The following HEPHL1 variants were observed in gnomAD, a reference collection of about 807,000 sequenced individuals.
HEPHL1 encodes ferroxidase HEPHL1.
HEPHL1 carries 123 observed loss-of-function variants against 122.0 expected under a neutral mutation model. The ratio of observed to expected loss-of-function variants is 1.01; its 90% CI spans 0.87 to 1.17. HEPHL1 has a LOEUF of 1.17. HEPHL1 is among the 50% of genes most tolerant of loss of function. The pLI is 0.00. For synonymous variants in HEPHL1, 527 were observed against 508.9 expected (o/e 1.04, Z -0.48); for missense variants, 1,452 against 1,430.5 (o/e 1.01, Z -0.24).
intron 12 of HEPHL1, 42 bp downstream of exon 12, chr11:94,089,010 G>A (rs984408617): frequency 6.4e-7 from 1 of 1,556,492 alleles, no homozygotes; most frequent in Non-Finnish European, 8.9e-7. Flanking sequence ...GTGGGATCGC[G>A]CATGCTCCGT....
chr11:94,080,524 G>A (rs1946161939), intron 9 of HEPHL1, among the ~76,000 whole-genome samples: 1 of 152,164 alleles, frequency 6.6e-6, no homozygotes, highest in Non-Finnish European at 1.5e-5. Flanking sequence ...TGGAGAGTTG[G>A]AGGACATCTT....
intron 12 of HEPHL1, among the ~76,000 whole-genome samples, chr11:94,091,544 A>G (rs1426888357): frequency 6.6e-6 from 1 of 152,236 alleles, no homozygotes; most frequent in Non-Finnish European, 1.5e-5. Context: ...TATGCTAGAC[A>G]TTGTGCAATG....
chr11:94,073,730 G>C (rs544039793), intron 8 of HEPHL1, among the ~76,000 whole-genome samples: 1 of 152,178 alleles, frequency 6.6e-6, no homozygotes, highest in South Asian at 2.1e-4. Flanking sequence ...AATCTCAAAA[G>C]TAAGCTACTT....
chr11:94,111,868 T>C lies in HEPHL1; in HGVS notation c.3454T>C (p.Cys1152Arg). ...GACAGATTACCAGCAAGTCCAGTCC[T>C]GTGCTCTCCCCACGGATGCTCTGTG... ...KQTDYQQVQS[C>R]ALPTDAL The change falls in exon 20 of 20, where the codon TGT becomes CGT. Residue 1152 changes from cysteine (C) to arginine (R), a missense_variant. Transcript: ENST00000315765. 6 of 1,524,252 alleles carry C rather than the reference T, an allele frequency of 3.9e-6. No homozygotes were observed. Among genetic ancestry groups the C allele is most frequent in the Non-Finnish European group, 5.3e-6 (6 of 1,137,860 alleles). The allele number at this position is 1,524,252 out of a possible 1,614,324, so 94.4% of individuals were successfully genotyped here. A position where few individuals can be genotyped will look rare whatever the true frequency, so the allele number is the denominator to read the frequency against.
At chr11:94,047,742 C>A (rs1194066744) in intron 2 of HEPHL1, among the ~76,000 whole-genome samples, 1 of 152,052 alleles carries the variant, frequency 6.6e-6, no homozygotes, top group East Asian at 1.9e-4. Flanking sequence ...TTTTTGTCTT[C>A]AATCCTCCAT....
intron 13 of HEPHL1, among the ~76,000 whole-genome samples, chr11:94,098,743 C>T (rs1946341130): frequency 6.6e-6 from 1 of 152,222 alleles, no homozygotes; most frequent in Non-Finnish European, 1.5e-5. Flanking sequence ...AACTTCTCTT[C>T]TCACTTCATT....
intron 17 of HEPHL1, among the ~76,000 whole-genome samples, chr11:94,108,616 A>G (rs1265344584): frequency 2.6e-5 from 4 of 151,794 alleles, no homozygotes; most frequent in Non-Finnish European, 5.9e-5. Flanking sequence ...TTTCATATAT[A>G]TGTCCAAATG....
chr11:94,060,198 C>T (rs1945975758), intron 2 of HEPHL1, among the ~76,000 whole-genome samples: 1 of 140,404 alleles, frequency 7.1e-6, no homozygotes, highest in African/African-American at 2.7e-5. Flanking sequence ...CAAAAAGAAG[C>T]CTGGTATTTG....
intron 5 of HEPHL1, among the ~76,000 whole-genome samples, chr11:94,068,954 G>A (rs1946054870): frequency 6.6e-6 from 1 of 152,156 alleles, no homozygotes; most frequent in South Asian, 2.1e-4. Context: ...ACCTTCCACA[G>A]TGAGTCATAG....
intron 1 of HEPHL1, among the ~76,000 whole-genome samples, chr11:94,031,378 T>A (rs773208543): frequency 6.8e-6 from 1 of 147,226 alleles, no homozygotes; most frequent in African/African-American, 2.5e-5. Context: ...ACAAATGGGA[T>A]AATACTTTAC....
At chr11:94,099,704 T>C (rs904389443) in intron 13 of HEPHL1, among the ~76,000 whole-genome samples, 1 of 152,126 alleles carries the variant, frequency 6.6e-6, no homozygotes, top group African/African-American at 2.4e-5. Context: ...ACTCAAGCCT[T>C]AGCAATGGTG....
At chr11:94,070,695 C>A (rs1200371016) in intron 6 of HEPHL1, among the ~76,000 whole-genome samples, 153 bp downstream of exon 6, 1 of 152,102 alleles carries the variant, frequency 6.6e-6, no homozygotes, top group Non-Finnish European at 1.5e-5. Flanking sequence ...CTTAATACTG[C>A]AAAAGCACTG....
chr11:94,031,798 G>A (rs1266609801), intron 1 of HEPHL1, among the ~76,000 whole-genome samples: 1 of 152,226 alleles, frequency 6.6e-6, no homozygotes, highest in African/African-American at 2.4e-5. Context: ...TCAAGGGTGG[G>A]ATAGGGTTAA....
rs115539851 is a variant in HEPHL1, at chr11:94,114,023, C to A, written c.*2129C>A. On this transcript the variant is annotated 3_prime_UTR_variant, in exon 20 of 20. Coordinates refer to ENST00000315765, the MANE Select transcript of HEPHL1 (RefSeq NM_001098672.2). Reference sequence around the variant, plus strand: ...ACATATTTCTTCCTATTACAATACACGTGTCCCTGCTCCTAGCAGGACAGT... The same window carrying A: ...ACATATTTCTTCCTATTACAATACAAGTGTCCCTGCTCCTAGCAGGACAGT... Among the ~76,000 whole-genome samples, 882 of 152,314 alleles carry A rather than the reference C, an allele frequency of 5.8e-3. 11 individuals are homozygous for A. Among genetic ancestry groups the A allele is most frequent in the African/African-American group, 0.02 (820 of 41,564 alleles).
intron 10 of HEPHL1, 136 bp from the exon 11 acceptor site, chr11:94,085,841 G>A: frequency 1.6e-6 from 1 of 620,148 alleles, no homozygotes; most frequent in Non-Finnish European, 2.9e-6. Flanking sequence ...CATTTTAAGT[G>A]GATTCACCAT....
intron 1 of HEPHL1, among the ~76,000 whole-genome samples, chr11:94,030,353 C>T (rs1945662247): frequency 6.6e-6 from 1 of 152,200 alleles, no homozygotes; most frequent in African/African-American, 2.4e-5. Context: ...TTGTATTCAG[C>T]TACTCTTTAA....
intron 1 of HEPHL1, among the ~76,000 whole-genome samples, chr11:94,037,417 G>A (rs1945736292): frequency 1.3e-5 from 2 of 152,040 alleles, no homozygotes; most frequent in Admixed American, 1.3e-4. Flanking sequence ...CTGGGGGCAG[G>A]GCACAGACAA....
intron 10 of HEPHL1, among the ~76,000 whole-genome samples, chr11:94,083,968 T>A (rs1389727363): frequency 6.6e-6 from 1 of 152,132 alleles, no homozygotes; most frequent in African/African-American, 2.4e-5. Context: ...AACAACTGAA[T>A]GAACTACATC....
Position 94,086,087 on chromosome 11 carries a change from G to A in HEPHL1, c.1978G>A (p.Val660Ile). The A allele has an allele frequency of 6.2e-7, 1 of 1,613,898 alleles. No individual in the cohort carries two copies. The highest frequency in any genetic ancestry group is 8.5e-7 in the Non-Finnish European group (1 of 1,179,880). ...LGTDTDMHGI[V>I]FQGNTIHLRG... ...CACTGACACTGACATGCATGGAATT[G>A]TTTTTCAAGGGAACACCATCCACCT... The change falls in exon 11 of 20, where the codon GTT becomes ATT. Residue 660 changes from valine (V) to isoleucine (I), a missense_variant. Physicochemically the swap from Val to Ile is conservative, Grantham distance 29. Transcript: ENST00000315765.
Sources: allele counts gnomAD v4.1 joint callset (sites outside exome capture counted in the v4.1 genomes callset), GRCh38; gene constraint gnomAD v4.1.1; transcripts MANE v1.5; gene names NCBI Gene and HGNC (gene_info 2026-07-23, HGNC 2026-07-21).